Variants in SIRT5 observed in about 807,000 individuals in gnomAD.
The protein encoded by SIRT5 is NAD-dependent protein deacylase sirtuin-5, mitochondrial.
A neutral mutation model predicts 40.0 loss-of-function variants in SIRT5; 26 were observed. The ratio of observed to expected loss-of-function variants is 0.65; its 90% confidence interval spans 0.48 to 0.90. SIRT5 has a LOEUF of 0.90. SIRT5 is among the 40% of genes least tolerant of loss of function. The probability of loss-of-function intolerance (pLI) is 0.00; values close to 1 mark genes in which losing one functional copy is unlikely to be tolerated. For missense variants in SIRT5, 401 were observed against 402.4 expected, an observed-to-expected ratio of 1.00 and a Z score of 0.03; for synonymous variants, 146 against 149.1, an observed-to-expected ratio of 0.98 and a Z score of 0.15.
At chr6:13,605,133 C>G in intron 9 of SIRT5, 3 of 985,496 alleles carry the variant, frequency 3.0e-6, no homozygotes, top group South Asian at 4.7e-5. Flanking sequence ...TTGTATATCT[C>G]GTGCTTAACA....
At chr6:13,598,162 G>A (rs900256746) in intron 7 of SIRT5, among the ~76,000 whole-genome samples, 1 of 152,194 alleles carries the variant, frequency 6.6e-6, no homozygotes, top group African/African-American at 2.4e-5. Flanking sequence ...GTTTTCTTCT[G>A]AAGGAATAGG....
chr6:13,609,130 T>C (rs947017469), intron 9 of SIRT5, among the ~76,000 whole-genome samples: 6 of 152,214 alleles, frequency 3.9e-5, no homozygotes, highest in African/African-American at 7.2e-5. Flanking sequence ...CCTGGAAATA[T>C]ATCCTTAATA....
intron 5 of SIRT5, 52 bp downstream of exon 5, chr6:13,591,946 C>T (rs1760970595): frequency 6.5e-7 from 1 of 1,532,466 alleles, no homozygotes; most frequent in South Asian, 1.2e-5. Context: ...AACACCTGTC[C>T]TGCTGTTTCA....
At chr6:13,593,351 T>TAGA (rs1458731512) in intron 5 of SIRT5, among the ~76,000 whole-genome samples, 2 of 152,212 alleles carry the variant, frequency 1.3e-5, no homozygotes, top group African/African-American at 2.4e-5. Context: ...ATTTCGACTG[T>TAGA]GTCTGTCTTT....
intron 1 of SIRT5, among the ~76,000 whole-genome samples, chr6:13,575,278 G>A (rs2127594352): frequency 6.6e-6 from 1 of 152,272 alleles, no homozygotes; most frequent in Non-Finnish European, 1.5e-5. Context: ...AAAACCTGAA[G>A]AGGGTGGCGC....
Position 13,607,158 on chromosome 6 carries a change from A to G in SIRT5, c.858-4632A>G, listed in dbSNP as rs140640014. The stretch of plus-strand genomic sequence containing the variant: ...TAAAACAAAACAGACAACCAGGAAA[A>G]TCAGATCCCAAGGCCCCCACCTAGA... On this transcript the variant is annotated intron_variant, in intron 9 of 9. Coordinates refer to ENST00000606117, the MANE Select transcript of SIRT5 (RefSeq NM_012241.5). The surrounding 1 kb of genome is among the most constrained non-coding windows in gnomAD (Gnocchi z 4.0). Among the ~76,000 whole-genome samples the G allele has an allele frequency of 4.6e-5, 7 of 152,202 alleles. No homozygotes were observed. In the East Asian group the frequency reaches 1.4e-3, roughly 29 times the overall value.
At chr6:13,595,960 A>G (rs1042498316) in intron 6 of SIRT5, among the ~76,000 whole-genome samples, 10 of 152,262 alleles carry the variant, frequency 6.6e-5, no homozygotes, top group African/African-American at 1.9e-4. Context: ...CCACTGCACT[A>G]CAGCCTGGGT....
At chr6:13,598,588 G>A (rs912177980) in intron 7 of SIRT5, among the ~76,000 whole-genome samples, 3 of 152,138 alleles carry the variant, frequency 2.0e-5, no homozygotes, top group African/African-American at 7.2e-5. Context: ...CCAGCACTTT[G>A]GGAGGCCGAG....
intron 9 of SIRT5, among the ~76,000 whole-genome samples, chr6:13,608,420 T>A (rs1217334228): frequency 2.6e-5 from 4 of 152,106 alleles, no homozygotes; most frequent in Admixed American, 6.5e-5. Flanking sequence ...ACCCCATCTC[T>A]ACTAAAAATA....
intron 1 of SIRT5, among the ~76,000 whole-genome samples, chr6:13,575,973 A>G (rs1758579815): frequency 6.6e-6 from 1 of 152,206 alleles, no homozygotes; most frequent in Admixed American, 6.5e-5. Context: ...ATGTTGTTGC[A>G]AATGACAGAA....
intron 2 of SIRT5, among the ~76,000 whole-genome samples, chr6:13,581,087 C>G (rs542116532): frequency 3.3e-5 from 5 of 152,176 alleles, no homozygotes; most frequent in Non-Finnish European, 7.3e-5. Flanking sequence ...TCACATCTTA[C>G]CTAACTAGAG....
Position 13,607,836 on chromosome 6 carries a change from C to T in SIRT5, c.858-3954C>T, listed in dbSNP as rs1282621302. ...TGGCACGATCTCGACTCACTGCAAC[C>T]TCCGCCTCCCTGGTTCAAGCAATTC... On this transcript the variant is annotated intron_variant, in intron 9 of 9. Transcript: ENST00000606117. This position sits in a 1 kb window ranked among gnomAD's most constrained non-coding sequence, Gnocchi z 4.0. 6.6e-6 allele frequency among the ~76,000 whole-genome samples: 1 copy of T among 152,136 alleles called. No individual in the cohort carries two copies. The highest frequency in any genetic ancestry group is 1.5e-5 in the Non-Finnish European group (1 of 68,034).
At chr6:13,605,724 C>T (rs199559174) in intron 9 of SIRT5, 7 of 985,312 alleles carry the variant, frequency 7.1e-6, no homozygotes, top group Middle Eastern at 5.2e-4. Flanking sequence ...AAACCCTAGG[C>T]ATTTTTGAAT....
At chr6:13,605,872 G>A (rs1392791296) in intron 9 of SIRT5, 4 of 955,694 alleles carry the variant, frequency 4.2e-6, no homozygotes, top group African/African-American at 1.8e-5. Flanking sequence ...TTGGCCCACT[G>A]TGCCCTGCAG....
At chr6:13,602,016 A>G (rs1762457304) in intron 9 of SIRT5, among the ~76,000 whole-genome samples, 1 of 152,166 alleles carries the variant, frequency 6.6e-6, no homozygotes, top group African/African-American at 2.4e-5. Context: ...CTAAGAAGAT[A>G]GCCTTAAAAA....
chr6:13,610,677 C>T lies in SIRT5; in HGVS notation c.858-1113C>T, dbSNP rs554694031. 3.9e-5 allele frequency among the ~76,000 whole-genome samples: 6 copies of T among 152,294 alleles called. No individual in the cohort carries two copies. In the South Asian group the frequency reaches 6.2e-4, roughly 16 times the overall value. ...ATTGAGGATCTGGGAATTCCCTAAA[C>T]GCTCCCCATGGCTGGCAGTAATTCC... On this transcript the variant is annotated intron_variant, in intron 9 of 9. Transcript: ENST00000606117.
At chr6:13,591,633 T>C in intron 4 of SIRT5, 36 bp from the exon 5 acceptor site, 2 of 1,472,732 alleles carry the variant, frequency 1.4e-6, no homozygotes, top group South Asian at 2.7e-5. Context: ...TGGCTGTCTC[T>C]GCCTCCCTCA....
At chr6:13,602,495 C>T (rs1321484373) in intron 9 of SIRT5, among the ~76,000 whole-genome samples, 15 of 148,488 alleles carry the variant, frequency 1.0e-4, no homozygotes, top group East Asian at 7.8e-4. Context: ...AGTAAAACTC[C>T]GTCTCAAAAA....
chr6:13,605,164 C>G, intron 9 of SIRT5: 1 of 985,540 alleles, frequency 1.0e-6, no homozygotes, highest in Non-Finnish European at 1.2e-6. Flanking sequence ...GAACTTTACC[C>G]TAGGTCAGGG....
Sources: gnomAD v4.1 joint callset for allele counts (sites outside exome capture counted in the v4.1 genomes callset) on GRCh38, gnomAD v4.1.1 for gene constraint, Gnocchi (gnomAD v3.1) non-coding constraint, MANE v1.5 for transcripts, NCBI Gene and HGNC (gene_info 2026-07-23, HGNC 2026-07-21) for gene names.